Variants in MCPH1 observed in about 807,000 individuals in gnomAD.
The protein encoded by MCPH1 is microcephalin 1, also known as microcephalin.
MCPH1 carries 104 observed loss-of-function variants against 84.5 expected under a neutral mutation model. The ratio of observed to expected loss-of-function variants is 1.23; its 90% CI spans 1.05 to 1.45. The LOEUF (loss-of-function observed/expected upper bound fraction) is 1.45, where lower values mean the gene tolerates loss of function less well. Among genes scored for constraint, MCPH1 ranks in the 40% most tolerant of loss-of-function variants. MCPH1 has a pLI of 0.00. For synonymous variants in MCPH1, 514 were observed against 366.8 expected, an observed-to-expected ratio of 1.40 and a Z score of -4.58; for missense variants, 1,498 against 1,005.7, an observed-to-expected ratio of 1.49 and a Z score of -6.62.
At position 6,445,063 on chromosome 8, in the gene MCPH1, TTCTA is replaced by T; in HGVS notation, c.1342_1345del (p.Ser448ArgfsTer51). On this transcript the variant is annotated frameshift_variant, in exon 8 of 14. Coordinates refer to ENST00000344683, the MANE Select transcript of MCPH1 (RefSeq NM_024596.5). LOFTEE classifies it high-confidence loss of function. ...CTGCTCAGTTGAGCTGCAGAAGTCT[TTCTA>T]AGAAGGAGAGAACAAGCATATTTGA... The T allele has an allele frequency of 6.2e-7, 1 of 1,614,222 alleles. No homozygotes were observed. The highest frequency in any genetic ancestry group is 8.5e-7 in the Non-Finnish European group (1 of 1,180,032).
chr8:6,453,634 A>G (rs879664464), intron 8 of MCPH1, among the ~76,000 whole-genome samples: 2 of 152,178 alleles, frequency 1.3e-5, no homozygotes, highest in Non-Finnish European at 2.9e-5. Flanking sequence ...CGATTTTGAC[A>G]CACTCATGCT....
intron 12 of MCPH1, among the ~76,000 whole-genome samples, chr8:6,599,628 A>T (rs1829212115): frequency 6.6e-6 from 1 of 152,228 alleles, no homozygotes. Context: ...AGCTTAGTAC[A>T]CACAAGTACA....
rs537465745 is a variant in MCPH1, at chr8:6,648,258, A to G, written c.*5209A>G. The G allele has an allele frequency of 6.6e-6, 1 of 152,392 alleles. No homozygotes were observed. Among genetic ancestry groups the G allele is most frequent in the South Asian group, 2.1e-4 (1 of 4,822 alleles). 9.4% of individuals were successfully genotyped at this position (152,392 alleles called of 1,614,324 possible). Reference sequence around the variant, plus strand: ...ATGTGGTCTAAGCTGTCAGACCTCCACAGTGGCCAGAAGGTTTTCCATACC... The same window carrying G: ...ATGTGGTCTAAGCTGTCAGACCTCCGCAGTGGCCAGAAGGTTTTCCATACC... On this transcript the variant is annotated 3_prime_UTR_variant, in exon 14 of 14. Transcript: ENST00000344683.
intron 3 of MCPH1, among the ~76,000 whole-genome samples, chr8:6,423,049 G>C (rs1800471559): frequency 6.6e-6 from 1 of 151,272 alleles, no homozygotes. Context: ...TTTAACTCCT[G>C]ACCTCAGGTG....
intron 12 of MCPH1, chr8:6,500,911 TG>T (rs1812048328): frequency 1.3e-5 from 2 of 152,242 alleles, no homozygotes; most frequent in Non-Finnish European, 2.9e-5. Flanking sequence ...ATTGTGTTGT[TG>T]CCAGTTTTTC....
At chr8:6,627,323 G>A (rs1796811762) in intron 13 of MCPH1, 4 of 981,968 alleles carry the variant, frequency 4.1e-6, no homozygotes, top group Non-Finnish European at 4.8e-6. Flanking sequence ...GTGGAGAGTG[G>A]CAGAGAGGAG....
intron 12 of MCPH1, among the ~76,000 whole-genome samples, chr8:6,608,374 A>G (rs1476353631): frequency 6.6e-6 from 1 of 152,190 alleles, no homozygotes; most frequent in East Asian, 1.9e-4. Context: ...GTATCCATCA[A>G]AAAGGAAGCT....
chr8:6,464,180 C>G (rs991490895), intron 9 of MCPH1, among the ~76,000 whole-genome samples: 2 of 152,140 alleles, frequency 1.3e-5, no homozygotes, highest in Admixed American at 6.5e-5. Context: ...CGAAGGTGCC[C>G]TTGGTTTCCA....
At chr8:6,520,462 C>T (rs1432990632) in intron 12 of MCPH1, among the ~76,000 whole-genome samples, 1 of 152,170 alleles carries the variant, frequency 6.6e-6, no homozygotes, top group African/African-American at 2.4e-5. Context: ...AGTGACACAT[C>T]TCAGCTTACC....
At chr8:6,449,237 T>G (rs1223863871) in intron 8 of MCPH1, among the ~76,000 whole-genome samples, 2 of 152,240 alleles carry the variant, frequency 1.3e-5, no homozygotes, top group African/African-American at 2.4e-5. Context: ...TAGATTCTTC[T>G]CTCGATGCCT....
intron 12 of MCPH1, 74 bp from the exon 13 acceptor site, chr8:6,621,380 C>T (rs966139177): frequency 2.6e-6 from 4 of 1,568,056 alleles, no homozygotes; most frequent in Non-Finnish European, 3.5e-6. Flanking sequence ...AGGAAGTAAA[C>T]TGCAACAGTT....
At chr8:6,608,332 G>A (rs530432813) in intron 12 of MCPH1, among the ~76,000 whole-genome samples, 8 of 152,344 alleles carry the variant, frequency 5.3e-5, no homozygotes, top group Non-Finnish European at 8.8e-5. Context: ...AAAGGCAATC[G>A]CAAGGAGAAA....
chr8:6,414,270 AGTGCT>A (rs1396356470), intron 2 of MCPH1, among the ~76,000 whole-genome samples: 1 of 152,348 alleles, frequency 6.6e-6, no homozygotes, highest in South Asian at 2.1e-4. Context: ...GGCCTCCCAA[AGTGCT>A]GGGATTACAG....
chr8:6,565,325 A>C (rs1586653033), intron 12 of MCPH1, among the ~76,000 whole-genome samples: 1 of 151,738 alleles, frequency 6.6e-6, no homozygotes, highest in African/African-American at 2.4e-5. Context: ...TATTCTCTGA[A>C]TGCAAAGCAG....
At position 6,647,438 on chromosome 8, in the gene MCPH1, T is replaced by C. The variant is rs1047429175; in HGVS notation, c.*4389T>C. On this transcript the variant is annotated 3_prime_UTR_variant, in exon 14 of 14. Coordinates refer to ENST00000344683, the MANE Select transcript of MCPH1 (RefSeq NM_024596.5). ...TTCACTCTCAGGTATATAACCAAAA[T>C]ACATGAAAACATGGATCTGCACAAG... 1 of 152,132 alleles carries C rather than the reference T, an allele frequency of 6.6e-6. No individual in the cohort carries two copies. The highest frequency in any genetic ancestry group is 2.4e-5 in the African/African-American group (1 of 41,422). The allele number at this position is 152,132 out of a possible 1,614,324, so 9.4% of individuals were successfully genotyped here.
chr8:6,603,369 T>G (rs1353119158), intron 12 of MCPH1, among the ~76,000 whole-genome samples: 1 of 152,186 alleles, frequency 6.6e-6, no homozygotes, highest in Non-Finnish European at 1.5e-5. Flanking sequence ...AAGTACTCTA[T>G]ATTTTGATTG....
At chr8:6,573,951 A>T (rs1826862567) in intron 12 of MCPH1, among the ~76,000 whole-genome samples, 1 of 152,242 alleles carries the variant, frequency 6.6e-6, no homozygotes, top group Non-Finnish European at 1.5e-5. Context: ...TTTGTGGAAG[A>T]AGCAAATGAA....
At chr8:6,572,173 C>G (rs1352448332) in intron 12 of MCPH1, among the ~76,000 whole-genome samples, 1 of 72,138 alleles carries the variant, frequency 1.4e-5, no homozygotes, top group African/African-American at 4.8e-5. Context: ...TTCTTGACAT[C>G]GGTTTCCCTC....
At chr8:6,529,746 T>C (rs577931220) in intron 12 of MCPH1, among the ~76,000 whole-genome samples, 1 of 151,848 alleles carries the variant, frequency 6.6e-6, no homozygotes, top group African/African-American at 2.4e-5. Flanking sequence ...ATTATAGATC[T>C]GAGCAAGCGT....
Sources: allele counts gnomAD v4.1 joint callset (sites outside exome capture counted in the v4.1 genomes callset), GRCh38; gene constraint gnomAD v4.1.1; transcripts MANE v1.5; gene names NCBI Gene and HGNC (gene_info 2026-07-23, HGNC 2026-07-21).